CLSTN2: variants seen among roughly 807,000 people sequenced by gnomAD.
CLSTN2 encodes calsyntenin 2, also known as calsyntenin-2.
A neutral mutation model predicts 101.2 loss-of-function variants in CLSTN2; 48 were observed. That is an observed-to-expected ratio of 0.47 (90% CI 0.38 to 0.60). The LOEUF (loss-of-function observed/expected upper bound fraction) is 0.60, where lower values mean the gene tolerates loss of function less well. Among genes scored for constraint, CLSTN2 ranks in the 20% least tolerant of loss-of-function variants. The probability of loss-of-function intolerance (pLI) is 0.00; values close to 1 mark genes in which losing one functional copy is unlikely to be tolerated. For missense variants in CLSTN2, 1,160 were observed against 1,238.2 expected (o/e 0.94, Z 0.95); for synonymous variants, 481 against 463.6 (o/e 1.04, Z -0.48).
At chr3:140,160,001 C>G (rs2010020279) in intron 1 of CLSTN2, among the ~76,000 whole-genome samples, 1 of 151,884 alleles carries the variant, frequency 6.6e-6, no homozygotes, top group Admixed American at 6.6e-5. Context: ...ATACTATGGA[C>G]TACTAGAAGG....
At chr3:139,946,006 T>C (rs1178462707) in intron 1 of CLSTN2, among the ~76,000 whole-genome samples, 1 of 152,224 alleles carries the variant, frequency 6.6e-6, no homozygotes, top group Non-Finnish European at 1.5e-5. Flanking sequence ...TCCATTTATA[T>C]TGCACATTCT....
chr3:140,223,080 T>C (rs1334763326), intron 2 of CLSTN2, among the ~76,000 whole-genome samples: 1 of 152,226 alleles, frequency 6.6e-6, no homozygotes, highest in East Asian at 1.9e-4. Context: ...GCTTGTCTTC[T>C]TAACCATGTC....
intron 7 of CLSTN2, among the ~76,000 whole-genome samples, chr3:140,465,491 G>A (rs1175988419): frequency 6.6e-6 from 1 of 152,168 alleles, no homozygotes; most frequent in East Asian, 1.9e-4. Flanking sequence ...CCTGCACTAG[G>A]AACATGGTCA....
At position 140,403,572 on chromosome 3, in the gene CLSTN2, T is replaced by G. The variant is rs757587077; in HGVS notation, c.233-57T>G. 25 of 1,418,412 alleles carry G rather than the reference T, an allele frequency of 1.8e-5. No homozygotes were observed. The Middle Eastern group carries it at 5.6e-4, about 32-fold the overall frequency. The allele number at this position is 1,418,412 out of a possible 1,614,324, so 87.9% of individuals were successfully genotyped here. On this transcript the variant is annotated intron_variant, in intron 2 of 16. Transcript: ENST00000458420. ...TGTGAATCTGGTCCAATGGAAGCAC[T>G]GTCTTCAGTCTGGCAATTCTCAGGA... is the stretch of plus-strand genomic sequence containing the variant.
chr3:140,014,423 T>C (rs375490693), intron 1 of CLSTN2, among the ~76,000 whole-genome samples: 7 of 152,180 alleles, frequency 4.6e-5, no homozygotes, highest in Admixed American at 2.6e-4. Context: ...TTCACTATGT[T>C]GGCCAGGCTG....
intron 2 of CLSTN2, among the ~76,000 whole-genome samples, chr3:140,370,818 G>A (rs2087847110): frequency 6.6e-6 from 1 of 152,140 alleles, no homozygotes; most frequent in Non-Finnish European, 1.5e-5. Flanking sequence ...CATGCTGGAT[G>A]CATAAGTACA....
At chr3:140,028,415 C>A (rs531558317) in intron 1 of CLSTN2, among the ~76,000 whole-genome samples, 1 of 152,208 alleles carries the variant, frequency 6.6e-6, no homozygotes, top group African/African-American at 2.4e-5. Flanking sequence ...GGGCACCTCC[C>A]TTATGGTTCA....
chr3:140,403,609 T>G lies in CLSTN2; in HGVS notation c.233-20T>G, dbSNP rs112339783. ...GGCAATTCTCAGGATTCCCACTCACTGTTTTCCATCCTTCTGCAGGGGAAA... is the reference window on the plus strand; with the variant it reads ...GGCAATTCTCAGGATTCCCACTCACGGTTTTCCATCCTTCTGCAGGGGAAA... On this transcript the variant is annotated intron_variant, in intron 2 of 16. Transcript: ENST00000458420. 31 of 1,584,694 alleles carry G rather than the reference T, an allele frequency of 2.0e-5. No individual in the cohort carries two copies. In the African/African-American group the frequency reaches 3.1e-4, roughly 16 times the overall value.
At chr3:140,546,786 C>T in intron 10 of CLSTN2, 105 bp downstream of exon 10, 1 of 1,114,338 alleles carries the variant, frequency 9.0e-7, no homozygotes, top group Non-Finnish European at 1.3e-6. Flanking sequence ...GAACGTTACA[C>T]AGAAATGGCA....
Position 140,566,263 on chromosome 3 carries a change from G to T in CLSTN2, c.*10G>T, listed in dbSNP as rs569721792. 2.1e-4 allele frequency: 328 copies of T among 1,555,988 alleles called. 5 individuals are homozygous for T. The South Asian group carries it at 3.6e-3, about 17-fold the overall frequency. On this transcript the variant is annotated 3_prime_UTR_variant, in exon 17 of 17. Transcript: ENST00000458420. ...CACCCTCCCCTACTAGTGCCCAGGG[G>T]TCTGCTGCCTGGCCCACATGTCCCT...
At chr3:140,054,131 G>A (rs1457588648) in intron 1 of CLSTN2, among the ~76,000 whole-genome samples, 1 of 152,142 alleles carries the variant, frequency 6.6e-6, no homozygotes, top group African/African-American at 2.4e-5. Context: ...GCTCGTGGGA[G>A]GGGGAGGTTC....
intron 2 of CLSTN2, among the ~76,000 whole-genome samples, chr3:140,282,022 C>T (rs764077608): frequency 3.9e-5 from 6 of 152,108 alleles, no homozygotes; most frequent in Non-Finnish European, 7.4e-5. Context: ...GACATACCAG[C>T]CCAAAACTGT....
intron 10 of CLSTN2, among the ~76,000 whole-genome samples, chr3:140,547,085 A>G (rs1935608362): frequency 6.6e-6 from 1 of 152,272 alleles, no homozygotes. Context: ...CTTGTGAAAT[A>G]CAAATTAAAA....
In CLSTN2 at chr3:140,387,810, A is replaced by G. The variant is rs1245283706; in HGVS notation, c.233-15819A>G. ...AGCTTTGCTTTTTTAGAAATGTCAT[A>G]GTAGACGTGGGCTACATTTTGGTAT... On this transcript the variant is annotated intron_variant, in intron 2 of 16. Transcript: ENST00000458420. 3.9e-5 allele frequency among the ~76,000 whole-genome samples: 6 copies of G among 152,272 alleles called. No homozygotes were observed. In the South Asian group the frequency reaches 8.3e-4, roughly 21 times the overall value.
At chr3:140,386,418 A>G (rs1329879219) in intron 2 of CLSTN2, among the ~76,000 whole-genome samples, 1 of 152,208 alleles carries the variant, frequency 6.6e-6, no homozygotes, top group Non-Finnish European at 1.5e-5. Flanking sequence ...GGCTGAAATA[A>G]CACTTGAGGG....
intron 1 of CLSTN2, among the ~76,000 whole-genome samples, chr3:139,941,888 G>A (rs1227097935): frequency 2.0e-5 from 3 of 152,262 alleles, no homozygotes; most frequent in Middle Eastern, 3.4e-3. Context: ...CACATATGTC[G>A]GTTGGTTTGA....
chr3:140,186,119 G>A lies in CLSTN2; in HGVS notation c.232+10046G>A, dbSNP rs565551743. Among the ~76,000 whole-genome samples the A allele has an allele frequency of 4.6e-5, 7 of 152,270 alleles. No individual in the cohort carries two copies. In the South Asian group the frequency reaches 1.0e-3, roughly 23 times the overall value. On this transcript the variant is annotated intron_variant, in intron 2 of 16. Coordinates refer to ENST00000458420, the MANE Select transcript of CLSTN2 (RefSeq NM_022131.3). ...ATAAGATGGCAGCATAGAGAAGAAC[G>A]AACTGGGAATTTAAAACATTGAGGA...
At chr3:140,472,214 A>G (rs1290037216) in intron 8 of CLSTN2, among the ~76,000 whole-genome samples, 5 of 152,162 alleles carry the variant, frequency 3.3e-5, no homozygotes, top group Admixed American at 3.3e-4. Context: ...AGCATAAGTC[A>G]CAGCCCGAGT....
chr3:140,320,600 T>C (rs971934072), intron 2 of CLSTN2, among the ~76,000 whole-genome samples: 2 of 143,936 alleles, frequency 1.4e-5, no homozygotes, highest in African/African-American at 2.6e-5. Context: ...ATTGTATTTG[T>C]GTTTTTTTTG....
Sources: gnomAD v4.1 joint callset for allele counts (sites outside exome capture counted in the v4.1 genomes callset) on GRCh38, gnomAD v4.1.1 for gene constraint, MANE v1.5 for transcripts, NCBI Gene and HGNC (gene_info 2026-07-23, HGNC 2026-07-21) for gene names.